The following PDE8B variants were observed in gnomAD, a reference collection of about 807,000 sequenced individuals.
PDE8B encodes the protein high affinity cAMP-specific and IBMX-insensitive 3',5'-cyclic phosphodiesterase 8B.
A neutral mutation model predicts 101.3 loss-of-function variants in PDE8B; 26 were observed. That is an observed-to-expected ratio of 0.26 (90% CI 0.19 to 0.36). The LOEUF (loss-of-function observed/expected upper bound fraction) is 0.36, where lower values mean the gene tolerates loss of function less well. PDE8B is among the 10% of genes least tolerant of loss of function. The pLI is 1.00. For synonymous variants in PDE8B, 424 were observed against 429.3 expected, an observed-to-expected ratio of 0.99 and a Z score of 0.15; for missense variants, 810 against 1,163.1, an observed-to-expected ratio of 0.70 and a Z score of 4.42.
At chr5:77,156,296 G>A in the PDE8B span, among the ~76,000 whole-genome samples, 1 of 152,162 alleles carries the variant, frequency 6.6e-6, no homozygotes, top group African/African-American at 2.4e-5. Flanking sequence ...ATTGTGATTT[G>A]TTGTTGGGAG....
the PDE8B span, chr5:77,152,122 A>T: frequency 6.6e-6 from 1 of 152,220 alleles, no homozygotes; most frequent in Non-Finnish European, 1.5e-5. Context: ...TGCTGGGCAT[A>T]CAGTAGGGAC....
chr5:77,368,318 A>G (rs1186034011), intron 10 of PDE8B, among the ~76,000 whole-genome samples: 2 of 152,170 alleles, frequency 1.3e-5, no homozygotes, highest in East Asian at 1.9e-4. Context: ...CCTGTTGTGT[A>G]TAAGGTCTGT....
intron 1 of PDE8B, among the ~76,000 whole-genome samples, chr5:77,244,032 G>A (rs1289296809): frequency 6.6e-6 from 1 of 151,632 alleles, no homozygotes; most frequent in East Asian, 1.9e-4. Flanking sequence ...GGGTATGTGG[G>A]AGAGTTGAAG....
chr5:77,089,418 T>A, the PDE8B span: 1 of 153,816 alleles, frequency 6.5e-6, no homozygotes, highest in Non-Finnish European at 1.4e-5. Flanking sequence ...GTTGTATAAC[T>A]ATTTCATTAT....
chr5:77,106,291 A>C, the PDE8B span: 1 of 152,178 alleles, frequency 6.6e-6, no homozygotes, highest in Non-Finnish European at 1.5e-5. Context: ...GGAGTTTTAT[A>C]GTTTTTACTT....
At chr5:77,420,686 T>A (rs543047080) in intron 19 of PDE8B, among the ~76,000 whole-genome samples, 1 of 152,200 alleles carries the variant, frequency 6.6e-6, no homozygotes, top group East Asian at 1.9e-4. Flanking sequence ...CCCCCAGGGA[T>A]TCCACAGCAC....
chr5:77,307,160 A>G (rs1175172046), intron 1 of PDE8B, among the ~76,000 whole-genome samples: 1 of 152,078 alleles, frequency 6.6e-6, no homozygotes, highest in Admixed American at 6.6e-5. Context: ...ACTGCAATCC[A>G]GCTCTCTGGA....
chr5:77,125,046 AG>A, the PDE8B span, among the ~76,000 whole-genome samples: 646 of 152,312 alleles, frequency 4.2e-3, 3 homozygotes, highest in African/African-American at 0.015. Flanking sequence ...GCTGGAATGC[AG>A]TGGCACTCAT....
intron 10 of PDE8B, among the ~76,000 whole-genome samples, chr5:77,366,219 A>G (rs1298973582): frequency 6.6e-6 from 1 of 152,128 alleles, no homozygotes; most frequent in Non-Finnish European, 1.5e-5. Context: ...CCTTTAGGCT[A>G]TGAGAACTTT....
the PDE8B span, among the ~76,000 whole-genome samples, chr5:77,166,217 C>T: frequency 8.3e-5 from 8 of 96,080 alleles, no homozygotes; most frequent in East Asian, 3.3e-4. Context: ...GAGATTCTTT[C>T]GGTAAAGATA....
chr5:77,359,765 A>G (rs1561580489), intron 10 of PDE8B, among the ~76,000 whole-genome samples: 1 of 152,102 alleles, frequency 6.6e-6, no homozygotes, highest in Non-Finnish European at 1.5e-5. Context: ...TCAGTCCTGG[A>G]GGCCTAAACA....
chr5:77,129,836 G>A, the PDE8B span, among the ~76,000 whole-genome samples: 45 of 152,222 alleles, frequency 3.0e-4, no homozygotes, highest in East Asian at 3.9e-4. Context: ...ACTGTTTGAC[G>A]TGCACATTTC....
chr5:77,404,677 A>G lies in PDE8B; in HGVS notation c.1211-43A>G, dbSNP rs1231876773. The G allele has an allele frequency of 4.5e-6, 5 of 1,118,226 alleles. No individual in the cohort carries two copies. The Admixed American group carries it at 5.1e-5, about 11-fold the overall frequency. 69.3% of individuals were successfully genotyped at this position (1,118,226 alleles called of 1,614,324 possible). On this transcript the variant is annotated intron_variant, in intron 11 of 21. Coordinates refer to ENST00000264917, the MANE Select transcript of PDE8B (RefSeq NM_003719.5). ...ATGTTTGAATCTCTTCTGTGAATAC[A>G]CGGAAAACTAATCACCTTCCCTTTC... is the stretch of plus-strand genomic sequence containing the variant.
At chr5:77,370,441 A>C (rs1784885625) in intron 10 of PDE8B, among the ~76,000 whole-genome samples, 1 of 152,222 alleles carries the variant, frequency 6.6e-6, no homozygotes, top group African/African-American at 2.4e-5. Flanking sequence ...GGCTTCTTTC[A>C]GTCAATATAA....
chr5:77,407,466 C>A lies in PDE8B; in HGVS notation c.1365+9C>A, dbSNP rs148753283. On this transcript the variant is annotated intron_variant, in intron 13 of 21. Transcript: ENST00000264917. Reference sequence around the variant, plus strand: ...AGGCTCCCATCACAAAGGTGAGTGGCGGCTGCTGCCTGCACTCTGCAGTCA... The same window carrying A: ...AGGCTCCCATCACAAAGGTGAGTGGAGGCTGCTGCCTGCACTCTGCAGTCA... 2.6e-5 allele frequency: 41 copies of A among 1,599,850 alleles called. 1 individual carries two copies. In the African/African-American group the frequency reaches 4.5e-4, roughly 18 times the overall value.
At chr5:77,376,335 G>A (rs1165047629) in intron 10 of PDE8B, among the ~76,000 whole-genome samples, 1 of 152,168 alleles carries the variant, frequency 6.6e-6, no homozygotes, top group African/African-American at 2.4e-5. Flanking sequence ...GGGAAATACT[G>A]TCTTTGGGCA....
chr5:77,420,269 A>G (rs1796357727), intron 19 of PDE8B, among the ~76,000 whole-genome samples: 1 of 152,154 alleles, frequency 6.6e-6, no homozygotes, highest in South Asian at 2.1e-4. Context: ...TAAAAAACAA[A>G]GAATGTTCCT....
Position 77,407,409 on chromosome 5 carries a change from G to A in PDE8B, c.1317G>A (p.Pro439=), listed in dbSNP as rs754763694. The part of the protein sequence containing the change: ...DAPSLQNRRY[P]SMARIHSMTI... ...CAAGCCTGCAGAATCGTCGCTATCC[G>A]TCCATGGCGAGGATCCACTCCATGA... The change falls in exon 13 of 22, where the codon CCG becomes CCA. Residue 439 remains proline (P), a synonymous_variant. Coordinates refer to ENST00000264917, the MANE Select transcript of PDE8B (RefSeq NM_003719.5). 89 of 1,613,936 alleles carry A rather than the reference G, an allele frequency of 5.5e-5. 1 individual carries two copies. The highest frequency in any genetic ancestry group is 1.1e-4 in the East Asian group (5 of 44,886).
the PDE8B span, among the ~76,000 whole-genome samples, chr5:77,188,465 G>A: frequency 6.6e-6 from 1 of 152,094 alleles, no homozygotes; most frequent in Non-Finnish European, 1.5e-5. Context: ...TCTTTTCTTG[G>A]GTAAGTTTTT....
Sources: gnomAD v4.1 joint callset for allele counts (sites outside exome capture counted in the v4.1 genomes callset) on GRCh38, gnomAD v4.1.1 for gene constraint, MANE v1.5 for transcripts, NCBI Gene and HGNC (gene_info 2026-07-23, HGNC 2026-07-21) for gene names.